Variants in SATB1 observed in about 807,000 individuals in gnomAD.
SATB1 encodes the protein SATB homeobox 1.
A neutral mutation model predicts 86.9 loss-of-function variants in SATB1; 11 were observed. The ratio of observed to expected loss-of-function variants is 0.13; its 90% CI spans 0.08 to 0.21. SATB1 has a LOEUF of 0.21. SATB1 is among the 10% of genes least tolerant of loss of function. The pLI is 1.00. For synonymous variants in SATB1, 357 were observed against 357.2 expected (o/e 1.00, Z 0.01); for missense variants, 551 against 937.6 (o/e 0.59, Z 5.39).
At chr3:18,443,380 C>T (rs1391616013), upstream of SATB1, among the ~76,000 whole-genome samples, 3 of 152,198 alleles carry the variant, frequency 2.0e-5, no homozygotes, top group Non-Finnish European at 2.9e-5. The surrounding 1 kb of genome is among the most constrained non-coding windows in gnomAD (Gnocchi z 4.4). Context: ...CTTTTATAAC[C>T]ATGTGGAGTC....
chr3:18,372,037 T>C (rs1427693629), intron 9 of SATB1, among the ~76,000 whole-genome samples: 2 of 152,218 alleles, frequency 1.3e-5, no homozygotes, highest in Admixed American at 6.5e-5. Flanking sequence ...GAGAAAACTT[T>C]ATAGAATATT....
At position 18,444,644 on chromosome 3, in the gene SATB1, T is replaced by C; in HGVS notation, c.-25+874A>G. The C allele has an allele frequency of 2.0e-6, 2 of 980,748 alleles. No homozygotes were observed. The highest frequency in any genetic ancestry group is 2.4e-6 in the Non-Finnish European group (2 of 828,698). The allele number at this position is 980,748 out of a possible 1,614,324, so 60.8% of individuals were successfully genotyped here. On this transcript the variant is annotated intron_variant, in intron 1 of 3. Coordinates refer to the SATB1 transcript ENST00000415069. This position sits in a 1 kb window ranked among gnomAD's most constrained non-coding sequence, Gnocchi z 5.1. ...GTTGGGGGCGGCGGTGGCTGTCGAG[T>C]GCGGGCCTGAAACCAAGAACGGCTC...
At chr3:18,402,742 T>C (rs1292484516) in intron 5 of SATB1, among the ~76,000 whole-genome samples, 1 of 152,064 alleles carries the variant, frequency 6.6e-6, no homozygotes, top group African/African-American at 2.4e-5. Flanking sequence ...TGATCAAAAC[T>C]TATCAAGGAC....
chr3:18,411,199 CT>C (rs1697816167), intron 5 of SATB1: 1 of 322,284 alleles, frequency 3.1e-6, no homozygotes, highest in Admixed American at 4.9e-5. Flanking sequence ...TTAAAGATAT[CT>C]TTTCCAGGTG....
chr3:18,378,370 T>C (rs772319816), intron 8 of SATB1, 45 bp from the exon 9 acceptor site: 5 of 1,596,070 alleles, frequency 3.1e-6, no homozygotes, highest in East Asian at 2.2e-5. Flanking sequence ...ATTGGCTGAA[T>C]TGTTTTGAAG....
chr3:18,351,161 G>C (rs1694338550), intron 10 of SATB1: 1 of 682,420 alleles, frequency 1.5e-6, no homozygotes, highest in African/African-American at 1.8e-5. Flanking sequence ...GACAAACAAA[G>C]CATAAGGCTG....
At chr3:18,418,369 TCTA>T (rs1698223265) in intron 2 of SATB1, among the ~76,000 whole-genome samples, 1 of 152,138 alleles carries the variant, frequency 6.6e-6, no homozygotes, top group Non-Finnish European at 1.5e-5. Context: ...GCTACATCTT[TCTA>T]CATGTGAGTC....
intron 8 of SATB1, among the ~76,000 whole-genome samples, chr3:18,385,885 C>A (rs1344557498): frequency 6.6e-6 from 1 of 152,054 alleles, no homozygotes; most frequent in African/African-American, 2.4e-5. Context: ...GGATAGAATT[C>A]CTTATCAGCC....
chr3:18,410,391 C>T (rs1359997), intron 5 of SATB1, among the ~76,000 whole-genome samples: 1 of 151,716 alleles, frequency 6.6e-6, no homozygotes, highest in Non-Finnish European at 1.5e-5. Context: ...CCCGGGCTCT[C>T]GGTATGAAGT....
At chr3:18,382,378 C>G (rs1239275339) in intron 8 of SATB1, among the ~76,000 whole-genome samples, 3 of 152,106 alleles carry the variant, frequency 2.0e-5, no homozygotes, top group African/African-American at 2.4e-5. Flanking sequence ...TTCATGGAAA[C>G]AAACTGCTAA....
At chr3:18,365,709 T>A (rs150382677) in intron 9 of SATB1, among the ~76,000 whole-genome samples, 1 of 152,196 alleles carries the variant, frequency 6.6e-6, no homozygotes, top group African/African-American at 2.4e-5. Context: ...TGTGGCTCAA[T>A]GCTAATTTGC....
intron 9 of SATB1, among the ~76,000 whole-genome samples, chr3:18,373,518 G>A (rs1268219733): frequency 1.3e-5 from 2 of 152,186 alleles, no homozygotes; most frequent in Non-Finnish European, 2.9e-5. Flanking sequence ...TTTCAGCAAT[G>A]AAAATTACAT....
chr3:18,426,145 A>G (rs1698693221), upstream of SATB1, among the ~76,000 whole-genome samples: 1 of 152,206 alleles, frequency 6.6e-6, no homozygotes, highest in Non-Finnish European at 1.5e-5. This position sits in a 1 kb window ranked among gnomAD's most constrained non-coding sequence, Gnocchi z 4.2. Flanking sequence ...GTGTACAGCA[A>G]TAAAGGCCAG....
intron 1 of SATB1, among the ~76,000 whole-genome samples, chr3:18,438,032 T>C (rs1335445634): frequency 6.6e-6 from 1 of 152,218 alleles, no homozygotes; most frequent in Admixed American, 6.5e-5. Context: ...TAATTATGGA[T>C]ATGCTATATT....
At chr3:18,389,932 A>C (rs551568296) in intron 7 of SATB1, among the ~76,000 whole-genome samples, 3 of 152,272 alleles carry the variant, frequency 2.0e-5, no homozygotes, top group African/African-American at 7.2e-5. Context: ...ATGAAAACAC[A>C]AAATTGTTTT....
At chr3:18,370,720 T>C (rs1053608003) in intron 9 of SATB1, among the ~76,000 whole-genome samples, 9 of 151,972 alleles carry the variant, frequency 5.9e-5, no homozygotes, top group Non-Finnish European at 8.8e-5. Flanking sequence ...TAGGACAGAG[T>C]TGGGGCATGC....
chr3:18,356,899 T>G (rs1319351154), intron 9 of SATB1, among the ~76,000 whole-genome samples: 1 of 151,904 alleles, frequency 6.6e-6, no homozygotes, highest in Non-Finnish European at 1.5e-5. Context: ...TGGGAGTATG[T>G]AACATAACTA....
At chr3:18,442,891 A>G (rs1183383259), upstream of SATB1, among the ~76,000 whole-genome samples, 1 of 152,244 alleles carries the variant, frequency 6.6e-6, no homozygotes, top group Non-Finnish European at 1.5e-5. Flanking sequence ...AGCAGCCAGT[A>G]TATGAATGTA....
intron 3 of SATB1, 60 bp downstream of exon 3, chr3:18,416,842 T>C: frequency 6.9e-7 from 1 of 1,439,324 alleles, no homozygotes; most frequent in Non-Finnish European, 9.4e-7. Flanking sequence ...CAGTGCTTTC[T>C]CTGCAAGGTA....
Sources: gnomAD v4.1 joint callset for allele counts (sites outside exome capture counted in the v4.1 genomes callset) on GRCh38, gnomAD v4.1.1 for gene constraint, Gnocchi (gnomAD v3.1) non-coding constraint, MANE v1.5 for transcripts, NCBI Gene and HGNC (gene_info 2026-07-23, HGNC 2026-07-21) for gene names.